SGCZ: variants seen among roughly 807,000 people sequenced by gnomAD.
The protein encoded by SGCZ is sarcoglycan zeta.
In SGCZ, 40 loss-of-function variants were observed where a neutral mutation model predicts 41.3. That is an observed-to-expected ratio of 0.97 (90% confidence interval 0.75 to 1.26). SGCZ has a LOEUF of 1.26. SGCZ is among the 50% of genes most tolerant of loss of function. The pLI is 0.00. For synonymous variants in SGCZ, 206 were observed against 137.5 expected, an observed-to-expected ratio of 1.50 and a Z score of -3.49; for missense variants, 552 against 369.8, an observed-to-expected ratio of 1.49 and a Z score of -4.04.
At chr8:14,774,137 G>A (rs1800331110) in intron 1 of SGCZ, among the ~76,000 whole-genome samples, 1 of 152,088 alleles carries the variant, frequency 6.6e-6, no homozygotes, top group Non-Finnish European at 1.5e-5. Flanking sequence ...CATAATGTGG[G>A]TTAGCTTTAT....
At chr8:14,807,048 C>A (rs1369759876) in intron 1 of SGCZ, among the ~76,000 whole-genome samples, 1 of 151,964 alleles carries the variant, frequency 6.6e-6, no homozygotes. Flanking sequence ...AGGCTAAAAA[C>A]TCAATAAATT....
At position 14,090,588 on chromosome 8, in the gene SGCZ, G is replaced by C; in HGVS notation, c.794C>G (p.Ser265Cys). Residue 265 changes from serine to cysteine, a missense_variant, in exon 8 of 8, where the codon TCC (serine) becomes TGC (cysteine). By Grantham distance (112) the Ser-to-Cys change is moderately radical. Transcript: ENST00000382080. ...GGAGCTGGGTGAAGAAGATGAGAAG[G>C]AGCCAGTTGGTAGATTTCCCAGCTT... is the stretch of plus-strand genomic sequence containing the variant. ...TIKLGNLPTG[S>C]FSSSSPSSSS... is the part of the protein sequence containing the mutation. The C allele has an allele frequency of 6.2e-7, 1 of 1,612,708 alleles. No individual in the cohort carries two copies. Among genetic ancestry groups the C allele is most frequent in the Non-Finnish European group, 8.5e-7 (1 of 1,179,342 alleles).
At chr8:14,882,176 T>C (rs1477387023) in intron 1 of SGCZ, among the ~76,000 whole-genome samples, 2 of 152,194 alleles carry the variant, frequency 1.3e-5, no homozygotes, top group East Asian at 3.9e-4. Context: ...CTTAGCAAAG[T>C]AGCTCCTATA....
At chr8:14,525,183 GATAGATAGATA>G (rs1802909110) in intron 2 of SGCZ, among the ~76,000 whole-genome samples, 1 of 128,628 alleles carries the variant, frequency 7.8e-6, no homozygotes, top group East Asian at 2.0e-4. Context: ...TAGATAGATA[GATAGATAGATA>G]GACAGACAGA....
intron 1 of SGCZ, among the ~76,000 whole-genome samples, chr8:14,999,204 G>T (rs1177350227): frequency 6.6e-6 from 1 of 152,078 alleles, no homozygotes; most frequent in Non-Finnish European, 1.5e-5. Context: ...CTAATACATG[G>T]GGTTTCTCTT....
intron 1 of SGCZ, among the ~76,000 whole-genome samples, chr8:14,653,517 T>C (rs920469685): frequency 1.3e-5 from 2 of 152,138 alleles, no homozygotes; most frequent in Non-Finnish European, 2.9e-5. Flanking sequence ...TGCATTACAA[T>C]TGTTTAAAAA....
intron 4 of SGCZ, among the ~76,000 whole-genome samples, chr8:14,218,686 A>C (rs992807860): frequency 6.6e-6 from 1 of 152,176 alleles, no homozygotes; most frequent in Non-Finnish European, 1.5e-5. Context: ...ATTTTAGATT[A>C]TGGAAATGAT....
chr8:15,148,875 A>T (rs2117013358), intron 1 of SGCZ, among the ~76,000 whole-genome samples: 1 of 152,362 alleles, frequency 6.6e-6, no homozygotes, highest in East Asian at 1.9e-4. Context: ...TCACACTGTC[A>T]TAGTCGACAA....
At chr8:14,866,329 G>A (rs1034968053) in intron 1 of SGCZ, among the ~76,000 whole-genome samples, 2 of 151,974 alleles carry the variant, frequency 1.3e-5, no homozygotes, top group African/African-American at 4.8e-5. Context: ...TGCTACTACA[G>A]ATTAAAAGGT....
At position 14,990,463 on chromosome 8, in the gene SGCZ, T is replaced by C. The variant is rs955383600; in HGVS notation, c.39+247122A>G. Among the ~76,000 whole-genome samples, 6 of 152,184 alleles carry C rather than the reference T, an allele frequency of 3.9e-5. No individual in the cohort carries two copies. In the East Asian group the frequency reaches 9.8e-4, roughly 25 times the overall value. On this transcript the variant is annotated intron_variant, in intron 1 of 7. Coordinates refer to ENST00000382080, the MANE Select transcript of SGCZ (RefSeq NM_139167.4). ...ATTACTGCCTGAGCTCCACCTCCTG[T>C]CCCATCAACCACAGCATTAGATTCG...
chr8:15,077,452 A>T (rs974214905), intron 1 of SGCZ, among the ~76,000 whole-genome samples: 2 of 152,228 alleles, frequency 1.3e-5, no homozygotes, highest in Non-Finnish European at 2.9e-5. Flanking sequence ...AGCACTAGAC[A>T]ATCCTTAACT....
intron 1 of SGCZ, among the ~76,000 whole-genome samples, chr8:15,039,224 C>T (rs1054437826): frequency 6.6e-6 from 1 of 152,070 alleles, no homozygotes; most frequent in Non-Finnish European, 1.5e-5. Context: ...ATGGAATCAG[C>T]CCAAAGTGTC....
intron 1 of SGCZ, among the ~76,000 whole-genome samples, chr8:15,188,677 A>C (rs2117104484): frequency 6.6e-6 from 1 of 152,322 alleles, no homozygotes; most frequent in South Asian, 2.1e-4. Context: ...GCATAGAAAT[A>C]ATTACTGTTT....
intron 2 of SGCZ, among the ~76,000 whole-genome samples, chr8:14,417,273 G>T (rs1799519561): frequency 6.6e-6 from 1 of 151,932 alleles, no homozygotes; most frequent in African/African-American, 2.4e-5. Flanking sequence ...GGAGCACACA[G>T]TCAATTTCTT....
chr8:14,294,883 T>G (rs1202513905), intron 3 of SGCZ, among the ~76,000 whole-genome samples: 1 of 152,074 alleles, frequency 6.6e-6, no homozygotes, highest in East Asian at 1.9e-4. Context: ...TTTTAAAATG[T>G]CAATAATAAT....
chr8:14,355,018 A>G (rs1272858170), intron 2 of SGCZ, among the ~76,000 whole-genome samples: 1 of 152,088 alleles, frequency 6.6e-6, no homozygotes, highest in African/African-American at 2.4e-5. Context: ...AAGTTTTTCA[A>G]TTTCAATTTG....
intron 1 of SGCZ, among the ~76,000 whole-genome samples, chr8:14,707,326 C>T (rs562439211): frequency 1.3e-4 from 20 of 151,786 alleles, no homozygotes; most frequent in Non-Finnish European, 2.2e-4. Context: ...GATGTGTGTA[C>T]ACATGTATTC....
At chr8:14,312,725 G>A (rs1801589634) in intron 3 of SGCZ, among the ~76,000 whole-genome samples, 1 of 152,028 alleles carries the variant, frequency 6.6e-6, no homozygotes. Context: ...GGAAGAGGAA[G>A]GGAAATAACA....
At chr8:14,303,936 G>A (rs897233081) in intron 3 of SGCZ, among the ~76,000 whole-genome samples, 9 of 151,918 alleles carry the variant, frequency 5.9e-5, no homozygotes, top group Admixed American at 3.3e-4. Flanking sequence ...ATTTTTAGTA[G>A]AGATAGGGTT....
Sources: gnomAD v4.1 joint callset for allele counts (sites outside exome capture counted in the v4.1 genomes callset) on GRCh38, gnomAD v4.1.1 for gene constraint, MANE v1.5 for transcripts, NCBI Gene and HGNC (gene_info 2026-07-23, HGNC 2026-07-21) for gene names.